STRN: variants seen among roughly 807,000 people sequenced by gnomAD.
The protein encoded by STRN is striatin.
In STRN, 53 loss-of-function variants were observed where a neutral mutation model predicts 96.3. The ratio of observed to expected loss-of-function variants is 0.55; its 90% confidence interval spans 0.44 to 0.69. The LOEUF (loss-of-function observed/expected upper bound fraction) is 0.69. STRN is among the 30% of genes least tolerant of loss of function. The probability of loss-of-function intolerance (pLI) is 0.00; values close to 1 mark genes in which losing one functional copy is unlikely to be tolerated. For synonymous variants in STRN, 428 were observed against 355.9 expected (o/e 1.20, Z -2.28); for missense variants, 987 against 963.9 (o/e 1.02, Z -0.32).
chr2:36,894,982 G>A (rs1260148329), intron 6 of STRN, among the ~76,000 whole-genome samples: 8 of 152,058 alleles, frequency 5.3e-5, no homozygotes, highest in African/African-American at 1.9e-4. Context: ...GAACAAAGGT[G>A]GCATCATAAA....
intron 1 of STRN, among the ~76,000 whole-genome samples, chr2:36,937,101 T>C (rs1431244258): frequency 1.3e-5 from 2 of 152,046 alleles, no homozygotes; most frequent in Non-Finnish European, 1.5e-5. Flanking sequence ...CCCAGCACTT[T>C]GGGAGGCCAA....
chr2:36,964,509 A>G (rs1665110838), intron 1 of STRN, among the ~76,000 whole-genome samples: 1 of 152,204 alleles, frequency 6.6e-6, no homozygotes. Context: ...AACAAGGTCA[A>G]AGAAGACTTG....
intron 6 of STRN, among the ~76,000 whole-genome samples, chr2:36,895,641 G>T (rs1042376334): frequency 6.6e-6 from 1 of 151,886 alleles, no homozygotes; most frequent in Non-Finnish European, 1.5e-5. Flanking sequence ...GCCAGGTACG[G>T]TGGCTCATGC....
intron 14 of STRN, among the ~76,000 whole-genome samples, 193 bp downstream of exon 14, chr2:36,857,663 A>AC (rs1553392452): frequency 3.3e-5 from 5 of 152,090 alleles, no homozygotes; most frequent in Non-Finnish European, 7.4e-5. Flanking sequence ...CCGTCTCAAA[A>AC]AAAACAAAAC....
chr2:36,905,155 G>C (rs1233738996), intron 4 of STRN, among the ~76,000 whole-genome samples: 1 of 152,088 alleles, frequency 6.6e-6, no homozygotes, highest in Non-Finnish European at 1.5e-5. Context: ...TTTTAGTAGA[G>C]ATGGAGTTTC....
Position 36,841,821 on chromosome 2 carries a change from A to G in STRN, c.*7635T>C, listed in dbSNP as rs1357832332. The G allele has an allele frequency of 6.6e-6, 1 of 152,240 alleles. No individual in the cohort carries two copies. Among genetic ancestry groups the G allele is most frequent in the Non-Finnish European group, 1.5e-5 (1 of 68,042 alleles). 9.4% of individuals were successfully genotyped at this position (152,240 alleles called of 1,614,324 possible). On this transcript the variant is annotated 3_prime_UTR_variant, in exon 18 of 18. Transcript: ENST00000263918. ...CTAAAAATATTTAATTTAGATAACA[A>G]GGACCAATGACAAGCCAGAATTGGA...
At chr2:36,936,699 A>T (rs1003130764) in intron 1 of STRN, among the ~76,000 whole-genome samples, 4 of 152,218 alleles carry the variant, frequency 2.6e-5, no homozygotes, top group African/African-American at 9.6e-5. Context: ...ATGTTCTCCA[A>T]CTTCTAAATT....
rs190308008 is a variant in STRN at position 36,946,357 on chromosome 2, T to C, written c.234+19873A>G. On this transcript the variant is annotated intron_variant, in intron 1 of 17. Transcript: ENST00000263918. ...CACAGCAGCAGAGCTTTCCCATGTG[T>C]TGGAAATAACCAGTTAAGAGATAAA... is the stretch of plus-strand genomic sequence containing the variant. 5.3e-5 allele frequency among the ~76,000 whole-genome samples: 8 copies of C among 152,316 alleles called. No homozygotes were observed. In the East Asian group the frequency reaches 1.2e-3, roughly 22 times the overall value.
chr2:36,926,423 AACAATGTTATTTATGTATCT>A (rs1412426794), intron 1 of STRN, among the ~76,000 whole-genome samples: 1 of 152,196 alleles, frequency 6.6e-6, no homozygotes, highest in African/African-American at 2.4e-5. Flanking sequence ...TAAGACAGGT[AACAATGTTATTTATGTATCT>A]ACAGTGCTTT....
At chr2:36,942,244 A>G (rs1670863755) in intron 1 of STRN, among the ~76,000 whole-genome samples, 1 of 152,200 alleles carries the variant, frequency 6.6e-6, no homozygotes, top group South Asian at 2.1e-4. Context: ...AATGTATCAA[A>G]AAGGACAATG....
intron 1 of STRN, among the ~76,000 whole-genome samples, chr2:36,928,285 C>T (rs1354168828): frequency 3.3e-5 from 5 of 150,188 alleles, no homozygotes; most frequent in Non-Finnish European, 5.9e-5. Flanking sequence ...TGAGGAAGGG[C>T]GAGGGTGAGA....
intron 10 of STRN, among the ~76,000 whole-genome samples, chr2:36,871,980 G>A (rs1219305252): frequency 6.6e-6 from 1 of 152,174 alleles, no homozygotes; most frequent in African/African-American, 2.4e-5. Flanking sequence ...GGTTATTCTG[G>A]AAGAAGAAAA....
intron 1 of STRN, among the ~76,000 whole-genome samples, chr2:36,928,953 A>AC (rs1323494448): frequency 2.0e-5 from 3 of 151,850 alleles, no homozygotes; most frequent in African/African-American, 7.3e-5. Context: ...GTCTCAAAAA[A>AC]AAAAAAAAAA....
At chr2:36,906,097 T>A (rs1669811922) in intron 3 of STRN, among the ~76,000 whole-genome samples, 1 of 152,186 alleles carries the variant, frequency 6.6e-6, no homozygotes, top group Non-Finnish European at 1.5e-5. Flanking sequence ...TAGTACACAT[T>A]GCATGCCTCT....
At chr2:36,879,260 G>A (rs1010434803) in intron 9 of STRN, among the ~76,000 whole-genome samples, 4 of 151,870 alleles carry the variant, frequency 2.6e-5, no homozygotes, top group African/African-American at 4.8e-5. Flanking sequence ...TAGTAGAGAC[G>A]GGGTTTCCCC....
chr2:36,933,201 C>T (rs1269534772), intron 1 of STRN, among the ~76,000 whole-genome samples: 2 of 151,998 alleles, frequency 1.3e-5, no homozygotes, highest in Non-Finnish European at 2.9e-5. Context: ...TACAGTATAA[C>T]AACTTTTCAC....
chr2:36,895,910 C>T (rs879519030), intron 6 of STRN, among the ~76,000 whole-genome samples: 36 of 151,682 alleles, frequency 2.4e-4, no homozygotes, highest in Admixed American at 3.9e-4. Context: ...GGTGACAGTG[C>T]GAGACTCCAT....
At chr2:36,901,938 A>G (rs1374409803) in intron 5 of STRN, among the ~76,000 whole-genome samples, 3 of 152,236 alleles carry the variant, frequency 2.0e-5, no homozygotes, top group African/African-American at 7.2e-5. Flanking sequence ...TCATACTTAA[A>G]CATTCACAGA....
At chr2:36,911,024 T>C (rs1669952398) in intron 3 of STRN, among the ~76,000 whole-genome samples, 1 of 152,128 alleles carries the variant, frequency 6.6e-6, no homozygotes, top group Admixed American at 6.5e-5. Flanking sequence ...GGTAAATAGA[T>C]AAAAGAACAA....
Sources: allele counts gnomAD v4.1 joint callset (sites outside exome capture counted in the v4.1 genomes callset), GRCh38; gene constraint gnomAD v4.1.1; transcripts MANE v1.5; gene names NCBI Gene and HGNC (gene_info 2026-07-23, HGNC 2026-07-21).